The following EDA variants were observed in gnomAD, a reference collection of about 807,000 sequenced individuals.
EDA encodes ectodysplasin-A.
In EDA, 2 loss-of-function variants were observed where a neutral mutation model predicts 23.6. That is an observed-to-expected ratio of 0.08 (90% CI 0.03 to 0.27). The LOEUF (loss-of-function observed/expected upper bound fraction) is 0.27. EDA is among the 10% of genes least tolerant of loss of function. The pLI, the probability that EDA is intolerant of heterozygous loss-of-function variation, is 1.00. For missense variants in EDA, 229 were observed against 324.2 expected (o/e 0.71, Z 2.26); for synonymous variants, 131 against 132.0 (o/e 0.99, Z 0.05).
intron 1 of EDA, among the ~76,000 whole-genome samples, chrX:69,656,437 G>A (rs111827881): frequency 0.016 from 1,804 of 111,401 alleles, 43 homozygotes; most frequent in African/African-American, 0.056. Flanking sequence ...AATAAAAGTG[G>A]CTGGAAAAAA....
intron 1 of EDA, among the ~76,000 whole-genome samples, chrX:69,625,709 A>G (rs1932357411): frequency 9.0e-6 from 1 of 111,342 alleles, no homozygotes; most frequent in Non-Finnish European, 1.9e-5. Flanking sequence ...AAATGTAAGT[A>G]CCAAAACAAT....
chrX:69,860,711 C>T (rs2017364394), intron 1 of EDA: 7 of 492,783 alleles, frequency 1.4e-5, no homozygotes, highest in African/African-American at 4.7e-5. Context: ...GTCTTGGGGT[C>T]GACCTTCTCA....
intron 1 of EDA, among the ~76,000 whole-genome samples, chrX:69,664,294 C>T (rs1001836235): frequency 9.0e-6 from 1 of 111,152 alleles, no homozygotes; most frequent in Non-Finnish European, 1.9e-5. Flanking sequence ...AATCAAGGGG[C>T]GTGTCTTTTC....
chrX:69,618,119 C>A (rs899873841), intron 1 of EDA, among the ~76,000 whole-genome samples: 1 of 111,698 alleles, frequency 9.0e-6, no homozygotes, highest in African/African-American at 3.3e-5. Flanking sequence ...CTGCCACTCC[C>A]CCCACACCCC....
At chrX:69,772,738 G>T (rs2014674984) in intron 1 of EDA, among the ~76,000 whole-genome samples, 1 of 111,435 alleles carries the variant, frequency 9.0e-6, no homozygotes, top group Admixed American at 9.6e-5. Flanking sequence ...GTGGTATTTG[G>T]TGTTCTGTTC....
At chrX:69,734,306 A>G (rs2013166324) in intron 1 of EDA, among the ~76,000 whole-genome samples, 1 of 111,269 alleles carries the variant, frequency 9.0e-6, no homozygotes, top group African/African-American at 3.3e-5. Context: ...TTCCTGGTAT[A>G]GATAATTTGT....
intron 1 of EDA, chrX:69,670,160 G>T (rs755705264): frequency 2.6e-5 from 8 of 308,814 alleles, no homozygotes; most frequent in Middle Eastern, 8.3e-4. Flanking sequence ...CAGACTTGCT[G>T]GGTATAGTAT....
intron 1 of EDA, among the ~76,000 whole-genome samples, chrX:69,944,452 T>A (rs1481797850): frequency 9.0e-6 from 1 of 111,527 alleles, no homozygotes; most frequent in African/African-American, 3.3e-5. Flanking sequence ...ACCCAGGATG[T>A]GTTTAGAAAT....
intron 1 of EDA, among the ~76,000 whole-genome samples, chrX:69,758,867 CA>C (rs1226412029): frequency 8.9e-6 from 1 of 111,764 alleles, no homozygotes; most frequent in Non-Finnish European, 1.9e-5. Context: ...ACAACAACAA[CA>C]AAAAACCCAG....
chrX:69,732,060 T>C (rs768630909), intron 1 of EDA, among the ~76,000 whole-genome samples: 1 of 108,999 alleles, frequency 9.2e-6, no homozygotes, highest in East Asian at 2.8e-4. Flanking sequence ...CATGGTAATC[T>C]GTTACATTGA....
intron 1 of EDA, among the ~76,000 whole-genome samples, chrX:69,660,275 G>A (rs150160827): frequency 0.015 from 1,693 of 110,754 alleles, 32 homozygotes; most frequent in African/African-American, 0.054. Flanking sequence ...GTTCTTTGTA[G>A]TTGATTGGGA....
chrX:69,679,037 G>T (rs937220927), intron 1 of EDA, among the ~76,000 whole-genome samples: 6 of 96,116 alleles, frequency 6.2e-5, no homozygotes, highest in African/African-American at 2.4e-4. Context: ...ATGAAGGGTT[G>T]TTGAATTTTG....
intron 1 of EDA, among the ~76,000 whole-genome samples, chrX:69,624,814 C>G (rs1932321144): frequency 1.8e-5 from 2 of 109,137 alleles, no homozygotes; most frequent in East Asian, 5.8e-4. Context: ...CTCTCTCTCT[C>G]TCTCTCAGCT....
chrX:69,972,147 T>A (rs762630042), intron 2 of EDA, among the ~76,000 whole-genome samples: 1 of 111,958 alleles, frequency 8.9e-6, no homozygotes, highest in Non-Finnish European at 1.9e-5. Context: ...ATATACATAA[T>A]GTTCCATTTT....
At chrX:69,798,566 C>T (rs1485075490) in intron 1 of EDA, among the ~76,000 whole-genome samples, 1 of 111,298 alleles carries the variant, frequency 9.0e-6, no homozygotes, top group Non-Finnish European at 1.9e-5. Flanking sequence ...CCTGGATGAC[C>T]ACTGAGCCAA....
chrX:70,024,986 T>G (rs765966785), intron 3 of EDA, among the ~76,000 whole-genome samples: 1 of 112,062 alleles, frequency 8.9e-6, no homozygotes, highest in East Asian at 2.8e-4. Flanking sequence ...TCCTCTGAAG[T>G]TATCCTCTTG....
rs148489755 is a variant in EDA, at chrX:70,019,949, A to T, written c.503-3269A>T. 1.0e-3 allele frequency among the ~76,000 whole-genome samples: 116 copies of T among 112,056 alleles called. 2 individuals carry two copies. The East Asian group carries it at 0.031, about 30-fold the overall frequency. ...TGTTTCTGTTGGTACTCTTCATGTCATGGGCATTTTAGGGAAAAAATATAA... is the reference window on the plus strand; with the variant it reads ...TGTTTCTGTTGGTACTCTTCATGTCTTGGGCATTTTAGGGAAAAAATATAA... On this transcript the variant is annotated intron_variant, in intron 2 of 7. Coordinates refer to ENST00000374552, the MANE Select transcript of EDA (RefSeq NM_001399.5).
intron 1 of EDA, among the ~76,000 whole-genome samples, chrX:69,688,084 C>G (rs1934600599): frequency 1.8e-5 from 2 of 111,474 alleles, no homozygotes; most frequent in Non-Finnish European, 3.8e-5. Flanking sequence ...GGGATTTTCA[C>G]TGCCCTGGGA....
intron 1 of EDA, among the ~76,000 whole-genome samples, chrX:69,748,849 A>G (rs2013709785): frequency 8.9e-6 from 1 of 112,113 alleles, no homozygotes; most frequent in South Asian, 3.7e-4. Flanking sequence ...AACAGTACCC[A>G]TGTCAGTGTT....
Sources: allele counts gnomAD v4.1 joint callset (sites outside exome capture counted in the v4.1 genomes callset), GRCh38; gene constraint gnomAD v4.1.1; transcripts MANE v1.5; gene names NCBI Gene and HGNC (gene_info 2026-07-23, HGNC 2026-07-21).